The following RAP1GAP2 variants were observed in gnomAD, a reference collection of about 807,000 sequenced individuals.
RAP1GAP2 encodes rap1 GTPase-activating protein 2.
In RAP1GAP2, 27 loss-of-function variants were observed where a neutral mutation model predicts 95.0. That is an observed-to-expected ratio of 0.28 (90% CI 0.21 to 0.39). The LOEUF is 0.39. RAP1GAP2 is among the 10% of genes least tolerant of loss of function. The pLI is 1.00. For synonymous variants in RAP1GAP2, 373 were observed against 380.9 expected (o/e 0.98, Z 0.24); for missense variants, 771 against 970.0 (o/e 0.79, Z 2.72).
intron 8 of RAP1GAP2, among the ~76,000 whole-genome samples, chr17:2,977,654 A>G (rs2045182166): frequency 6.7e-6 from 1 of 148,532 alleles, no homozygotes; most frequent in African/African-American, 2.5e-5. Flanking sequence ...CTGAGGCAGG[A>G]GAATTGCTTG....
chr17:2,873,723 A>AGTTATGTACATAAC (rs2072956102), intron 2 of RAP1GAP2, among the ~76,000 whole-genome samples: 1 of 152,028 alleles, frequency 6.6e-6, no homozygotes, highest in Non-Finnish European at 1.5e-5. Flanking sequence ...TAACATCGTG[A>AGTTATGTACATAAC]ATGTACTTAA....
chr17:2,809,211 T>A (rs904139050), intron 2 of RAP1GAP2, among the ~76,000 whole-genome samples: 3 of 151,954 alleles, frequency 2.0e-5, no homozygotes, highest in Non-Finnish European at 2.9e-5. Context: ...CTTGGCCAGG[T>A]CTTGTGGGTA....
intron 1 of RAP1GAP2, among the ~76,000 whole-genome samples, chr17:2,765,489 C>G (rs1334720804): frequency 6.6e-6 from 1 of 152,080 alleles, no homozygotes; most frequent in African/African-American, 2.4e-5. Flanking sequence ...CCTGTAATCC[C>G]AGCACTTTGA....
In RAP1GAP2 at chr17:2,855,111, C is replaced by T. The variant is rs1432966444; in HGVS notation, c.81-50173C>T. Among the ~76,000 whole-genome samples the T allele has an allele frequency of 1.3e-5, 2 of 152,160 alleles. No homozygotes were observed. The highest frequency in any genetic ancestry group is 2.9e-5 in the Non-Finnish European group (2 of 68,024). On this transcript the variant is annotated intron_variant, in intron 2 of 24. Transcript: ENST00000254695. This position sits in a 1 kb window ranked among gnomAD's most constrained non-coding sequence, Gnocchi z 4.3. ...CTGGGGTGGTGGTAGGCAGGGAATA[C>T]GGGGGACTTTGAGAAGCTGGCATGG...
intron 3 of RAP1GAP2, among the ~76,000 whole-genome samples, chr17:2,939,522 C>G (rs979631417): frequency 1.3e-5 from 2 of 152,204 alleles, no homozygotes; most frequent in African/African-American, 4.8e-5. Flanking sequence ...CTTCCCAGTT[C>G]AGAGAAGGGA....
At chr17:2,911,474 C>G (rs2042379755) in intron 3 of RAP1GAP2, among the ~76,000 whole-genome samples, 1 of 151,806 alleles carries the variant, frequency 6.6e-6, no homozygotes, top group Admixed American at 6.6e-5. Context: ...CCCAATGGAT[C>G]AGCAGGCATT....
At chr17:2,923,717 A>G (rs1199349840) in intron 3 of RAP1GAP2, among the ~76,000 whole-genome samples, 2 of 152,162 alleles carry the variant, frequency 1.3e-5, no homozygotes, top group Non-Finnish European at 2.9e-5. Flanking sequence ...ACAATTTTAA[A>G]TAAAATGATA....
In RAP1GAP2 at chr17:2,827,944, C is replaced by T. The variant is rs574915748; in HGVS notation, c.80+27394C>T. 2.6e-4 allele frequency among the ~76,000 whole-genome samples: 40 copies of T among 152,344 alleles called. No individual in the cohort carries two copies. Among genetic ancestry groups the T allele is most frequent in the South Asian group, 1.0e-3 (5 of 4,830 alleles). Reference sequence around the variant, plus strand: ...TCAGGCTGGAGGCCAGCTACTGCTCCGGCCAGCCCTTCCCTGTGGGGGAGC... The same window carrying T: ...TCAGGCTGGAGGCCAGCTACTGCTCTGGCCAGCCCTTCCCTGTGGGGGAGC... On this transcript the variant is annotated intron_variant, in intron 2 of 24. Coordinates refer to ENST00000254695, the MANE Select transcript of RAP1GAP2 (RefSeq NM_015085.5). This position sits in a 1 kb window ranked among gnomAD's most constrained non-coding sequence, Gnocchi z 4.1.
At chr17:2,834,347 C>T (rs2071038874) in intron 2 of RAP1GAP2, among the ~76,000 whole-genome samples, 2 of 152,172 alleles carry the variant, frequency 1.3e-5, no homozygotes. Flanking sequence ...TGTGCTAGTT[C>T]AGGGGTTTTG....
intron 2 of RAP1GAP2, among the ~76,000 whole-genome samples, chr17:2,888,489 CT>C (rs1276989688): frequency 6.6e-6 from 1 of 152,118 alleles, no homozygotes; most frequent in East Asian, 1.9e-4. Context: ...ACTTTTTTAG[CT>C]TCTACGTTTG....
chr17:2,840,267 G>A (rs1425330477), intron 2 of RAP1GAP2, among the ~76,000 whole-genome samples: 2 of 151,660 alleles, frequency 1.3e-5, no homozygotes, highest in Non-Finnish European at 1.5e-5. Context: ...GGATTCAAGC[G>A]ATTCTCCTGC....
At chr17:2,769,531 G>A (rs949489749) in intron 1 of RAP1GAP2, among the ~76,000 whole-genome samples, 8 of 151,482 alleles carry the variant, frequency 5.3e-5, no homozygotes, top group Non-Finnish European at 1.2e-4. Context: ...CTCCAGCCTG[G>A]GTGACAGAGC....
chr17:2,779,461 A>G (rs945732138), intron 1 of RAP1GAP2, among the ~76,000 whole-genome samples: 1 of 152,196 alleles, frequency 6.6e-6, no homozygotes, highest in African/African-American at 2.4e-5. Flanking sequence ...CCTGGGGCTC[A>G]GGGGCCAGAC....
At chr17:3,002,974 G>T (rs1304661959) in intron 14 of RAP1GAP2, among the ~76,000 whole-genome samples, 4 of 152,142 alleles carry the variant, frequency 2.6e-5, no homozygotes, top group Non-Finnish European at 4.4e-5. Flanking sequence ...GTGCAGGTCA[G>T]CAGGGGAAGT....
chr17:2,980,987 T>C (rs2045336584), intron 9 of RAP1GAP2, among the ~76,000 whole-genome samples: 1 of 152,176 alleles, frequency 6.6e-6, no homozygotes, highest in Non-Finnish European at 1.5e-5. Flanking sequence ...AGGCTTTGTC[T>C]AATCCCTTCC....
chr17:2,888,042 G>C (rs944251322), intron 2 of RAP1GAP2, among the ~76,000 whole-genome samples: 10 of 152,176 alleles, frequency 6.6e-5, no homozygotes, highest in Non-Finnish European at 1.2e-4. Flanking sequence ...AATCCCCAGG[G>C]AATAGCAGGA....
chr17:2,782,329 T>A (rs2068680758), intron 1 of RAP1GAP2, among the ~76,000 whole-genome samples: 1 of 152,188 alleles, frequency 6.6e-6, no homozygotes, highest in African/African-American at 2.4e-5. Context: ...AGCTCTGAGT[T>A]GAGGAGATGA....
chr17:2,778,229 AGCT>A (rs1351545496), intron 1 of RAP1GAP2, among the ~76,000 whole-genome samples: 1 of 148,126 alleles, frequency 6.8e-6, no homozygotes, highest in East Asian at 2.0e-4. Context: ...GGCTTCAAGA[AGCT>A]GCCTCTGGTC....
Position 2,800,096 on chromosome 17 carries a change from A to G in RAP1GAP2, c.45-419A>G, listed in dbSNP as rs180941525. ...AGACGCCTGGGAAATATGGATGTCCACCTGGCATTCAGATTGACATCCGTG... is the reference window on the plus strand; with the variant it reads ...AGACGCCTGGGAAATATGGATGTCCGCCTGGCATTCAGATTGACATCCGTG... On this transcript the variant is annotated intron_variant, in intron 1 of 24. Transcript: ENST00000254695. 1.5e-4 allele frequency: 108 copies of G among 705,592 alleles called. 2 individuals carry two copies. The African/African-American group carries it at 1.9e-3, about 13-fold the overall frequency. The allele number at this position is 705,592 out of a possible 1,614,324, so 43.7% of individuals were successfully genotyped here.
Sources: gnomAD v4.1 joint callset for allele counts (sites outside exome capture counted in the v4.1 genomes callset) on GRCh38, gnomAD v4.1.1 for gene constraint, Gnocchi (gnomAD v3.1) non-coding constraint, MANE v1.5 for transcripts, NCBI Gene and HGNC (gene_info 2026-07-23, HGNC 2026-07-21) for gene names.